SNX32: variants seen among roughly 807,000 people sequenced by gnomAD.
The protein encoded by SNX32 is sorting nexin 32.
A neutral mutation model predicts 57.0 loss-of-function variants in SNX32; 58 were observed. The observed-to-expected ratio is 1.02, with a 90% CI of 0.82 to 1.27. The LOEUF is 1.27. SNX32 is among the 50% of genes most tolerant of loss of function. The pLI, the probability that SNX32 is intolerant of heterozygous loss-of-function variation, is 0.00. For synonymous variants in SNX32, 262 were observed against 220.4 expected (o/e 1.19, Z -1.67); for missense variants, 589 against 541.2 (o/e 1.09, Z -0.88).
chr11:65,844,516 G>A lies in SNX32; in HGVS notation c.37-4962G>A, dbSNP rs191177092. On this transcript the variant is annotated intron_variant, in intron 1 of 12. Transcript: ENST00000308342. ...CTGTGGCAAAGATGTAGTACAACTG[G>A]AACTTTCATACACAGTGCTGCTGGG... 5.9e-5 allele frequency among the ~76,000 whole-genome samples: 9 copies of A among 152,210 alleles called. No homozygotes were observed. The East Asian group carries it at 1.4e-3, about 23-fold the overall frequency.
At chr11:65,853,034 T>G in intron 12 of SNX32, 76 bp downstream of exon 12, 6 of 1,461,548 alleles carry the variant, frequency 4.1e-6, no homozygotes, top group Non-Finnish European at 5.7e-6. Flanking sequence ...GGCACCAGGG[T>G]GTGCGTGCAT....
rs1384226607 is a variant in SNX32, at chr11:65,851,146, T to TGCGC, written c.698_701dup (p.His235ArgfsTer39). The TGCGC allele has an allele frequency of 6.2e-7, 1 of 1,612,764 alleles. No individual in the cohort carries two copies. Reference sequence around the variant, plus strand: ...GCCTGCCTGCGGGCCGACCGCGTCATGCGCGCCCACAAGTGTACGCAGGGC... The same window carrying TGCGC: ...GCCTGCCTGCGGGCCGACCGCGTCATGCGCGCGCGCCCACAAGTGTACGCAGGGC... On this transcript the variant is annotated frameshift_variant, in exon 7 of 13. Coordinates refer to ENST00000308342, the MANE Select transcript of SNX32 (RefSeq NM_152760.3). LOFTEE classifies it high-confidence loss of function.
chr11:65,839,419 C>T (rs1288138406), intron 1 of SNX32, among the ~76,000 whole-genome samples: 1 of 146,958 alleles, frequency 6.8e-6, no homozygotes, highest in African/African-American at 2.5e-5. Context: ...TTAGTAGAGA[C>T]GGGGTTTCAC....
At chr11:65,835,653 C>G (rs1858650165) in intron 1 of SNX32, 1 of 152,066 alleles carries the variant, frequency 6.6e-6, no homozygotes, top group Admixed American at 6.6e-5. Flanking sequence ...GCCCATCTCC[C>G]TCAAGCAGCT....
In SNX32 at chr11:65,851,178, G is replaced by A; in HGVS notation, c.709+18G>A. The A allele has an allele frequency of 1.2e-6, 2 of 1,610,180 alleles. No homozygotes were observed. Among genetic ancestry groups the A allele is most frequent in the Non-Finnish European group, 1.7e-6 (2 of 1,178,754 alleles). ...CCACAAGTGTACGCAGGGCCCAAGG[G>A]GTCCTGGATCCCCCTGCCCCTCTCC... On this transcript the variant is annotated intron_variant, in intron 7 of 12. Coordinates refer to ENST00000308342, the MANE Select transcript of SNX32 (RefSeq NM_152760.3).
At chr11:65,845,666 G>A (rs1339853742) in intron 1 of SNX32, among the ~76,000 whole-genome samples, 1 of 152,048 alleles carries the variant, frequency 6.6e-6, no homozygotes, top group African/African-American at 2.4e-5. Flanking sequence ...TGAACCAGGA[G>A]GCAGAGGTTG....
At position 65,850,033 on chromosome 11, in the gene SNX32, G is replaced by A. The variant is rs1565252498; in HGVS notation, c.252+3G>A. 6.2e-7 allele frequency: 1 copy of A among 1,614,152 alleles called. No homozygotes were observed. Among genetic ancestry groups the A allele is most frequent in the South Asian group, 1.1e-5 (1 of 91,088 alleles). On this transcript the variant is annotated splice_donor_region_variant and intron_variant, in intron 3 of 12. Coordinates refer to ENST00000308342, the MANE Select transcript of SNX32 (RefSeq NM_152760.3). ...ATGAGGAGTACGCCGGCCTCATCGTGAGGAGGGGCTGGGCAGGGGCTGGGA... is the reference window on the plus strand; with the variant it reads ...ATGAGGAGTACGCCGGCCTCATCGTAAGGAGGGGCTGGGCAGGGGCTGGGA...
chr11:65,843,286 T>C (rs1858901267), intron 1 of SNX32, among the ~76,000 whole-genome samples: 1 of 147,832 alleles, frequency 6.8e-6, no homozygotes, highest in East Asian at 2.1e-4. Flanking sequence ...AAATAGATCA[T>C]AGCCAGGTAG....
At chr11:65,850,958 G>A in intron 6 of SNX32, 97 bp from the exon 7 acceptor site, 1 of 1,493,088 alleles carries the variant, frequency 6.7e-7, no homozygotes, top group Non-Finnish European at 9.3e-7. Context: ...GGTGGGGCCT[G>A]GCCTGGTTTG....
chr11:65,843,233 A>AC (rs1565248376), intron 1 of SNX32, among the ~76,000 whole-genome samples: 2 of 150,882 alleles, frequency 1.3e-5, no homozygotes, highest in African/African-American at 4.9e-5. Context: ...AAAAAAAAAA[A>AC]AAAGAAAAAG....
chr11:65,853,250 G>A, intron 12 of SNX32, 32 bp from the exon 13 acceptor site: 1 of 1,613,846 alleles, frequency 6.2e-7, no homozygotes, highest in Non-Finnish European at 8.5e-7. Context: ...TCAGGGAGCA[G>A]GGGACTTCAA....
chr11:65,834,943 T>C (rs1054692063), intron 1 of SNX32, among the ~76,000 whole-genome samples: 5 of 151,724 alleles, frequency 3.3e-5, no homozygotes, highest in African/African-American at 1.2e-4. Context: ...TGTGTGCATC[T>C]GTGTGTGTCT....
chr11:65,842,921 C>T (rs1184269502), intron 1 of SNX32, among the ~76,000 whole-genome samples: 55 of 137,666 alleles, frequency 4.0e-4, no homozygotes, highest in Non-Finnish European at 4.6e-5. Context: ...TGCACTCCAG[C>T]CTGAGCAACA....
chr11:65,850,713 C>A (rs371249327), intron 5 of SNX32, 38 bp from the exon 6 acceptor site: 1 of 1,598,766 alleles, frequency 6.3e-7, no homozygotes, highest in African/African-American at 1.3e-5. Flanking sequence ...GAGGTGAGAA[C>A]GCCCACCCCA....
In SNX32 at chr11:65,851,418, C is replaced by T. The variant is rs758604598; in HGVS notation, c.785+15C>T. On this transcript the variant is annotated intron_variant, in intron 8 of 12. Transcript: ENST00000308342. ...CAGCTAAGGACGTGAGGACTCCCCCCACCCCTACCCTCTCCCTGTGCCTGT... is the reference window on the plus strand; with the variant it reads ...CAGCTAAGGACGTGAGGACTCCCCCTACCCCTACCCTCTCCCTGTGCCTGT... 15 of 1,613,246 alleles carry T rather than the reference C, an allele frequency of 9.3e-6. No individual in the cohort carries two copies. Among genetic ancestry groups the T allele is most frequent in the African/African-American group, 2.7e-5 (2 of 74,910 alleles).
At chr11:65,840,956 T>C (rs1215202260) in intron 1 of SNX32, among the ~76,000 whole-genome samples, 1 of 152,112 alleles carries the variant, frequency 6.6e-6, no homozygotes, top group African/African-American at 2.4e-5. Context: ...TTCTTTCTTT[T>C]TTTTCTGAGA....
At chr11:65,837,836 A>AAC (rs1555032194) in intron 1 of SNX32, among the ~76,000 whole-genome samples, 1 of 150,824 alleles carries the variant, frequency 6.6e-6, no homozygotes, top group Admixed American at 6.6e-5. Context: ...AAAAAAAAAA[A>AAC]ACGAAGAAGA....
At chr11:65,843,402 C>G (rs1487660927) in intron 1 of SNX32, among the ~76,000 whole-genome samples, 1 of 151,898 alleles carries the variant, frequency 6.6e-6, no homozygotes, top group East Asian at 1.9e-4. Context: ...AACCCCATCT[C>G]TACTAAAAAT....
At chr11:65,842,443 G>A (rs1286267836) in intron 1 of SNX32, among the ~76,000 whole-genome samples, 1 of 152,164 alleles carries the variant, frequency 6.6e-6, no homozygotes, top group Non-Finnish European at 1.5e-5. Flanking sequence ...CTGAGGTCAG[G>A]AGTTTGAGAC....
Sources: gnomAD v4.1 joint callset for allele counts (sites outside exome capture counted in the v4.1 genomes callset) on GRCh38, gnomAD v4.1.1 for gene constraint, MANE v1.5 for transcripts, NCBI Gene and HGNC (gene_info 2026-07-23, HGNC 2026-07-21) for gene names.